The following FAF1 variants were observed in gnomAD, a reference collection of about 807,000 sequenced individuals.
The protein encoded by FAF1 is FAS-associated factor 1.
A neutral mutation model predicts 92.5 loss-of-function variants in FAF1; 25 were observed. That is an observed-to-expected ratio of 0.27 (90% CI 0.20 to 0.38). FAF1 has a LOEUF of 0.38. Ranked by LOEUF, FAF1 falls within the 10% of genes least tolerant of loss-of-function variation. The probability of loss-of-function intolerance (pLI) is 1.00; values close to 1 mark genes in which losing one functional copy is unlikely to be tolerated. For synonymous variants in FAF1, 234 were observed against 273.2 expected, an observed-to-expected ratio of 0.86 and a Z score of 1.42; for missense variants, 636 against 793.3, an observed-to-expected ratio of 0.80 and a Z score of 2.38.
chr1:50,881,533 A>G lies in FAF1; in HGVS notation c.46-23536T>C, dbSNP rs539640591. Among the ~76,000 whole-genome samples the G allele has an allele frequency of 1.1e-4, 17 of 152,314 alleles. No homozygotes were observed. In the South Asian group the frequency reaches 2.5e-3, roughly 22 times the overall value. On this transcript the variant is annotated intron_variant, in intron 1 of 18. Transcript: ENST00000396153. ...CTCCCTCACACTACCAAAAGAAGGAACATCCAGTCTACAATGAAGTCTTCC... is the reference window on the plus strand; with the variant it reads ...CTCCCTCACACTACCAAAAGAAGGAGCATCCAGTCTACAATGAAGTCTTCC...
At chr1:50,498,849 CAAAA>C (rs552247958) in intron 15 of FAF1, among the ~76,000 whole-genome samples, 2 of 83,300 alleles carry the variant, frequency 2.4e-5, no homozygotes, top group Admixed American at 1.4e-4. Context: ...ACCTCTGTCT[CAAAA>C]AAAAAAAAAA....
chr1:50,944,153 A>T (rs779999117), intron 1 of FAF1, among the ~76,000 whole-genome samples: 3 of 152,218 alleles, frequency 2.0e-5, no homozygotes, highest in Non-Finnish European at 2.9e-5. Context: ...TTTGCATGGA[A>T]GGTACATGAC....
At chr1:50,887,909 G>A (rs941792772) in intron 1 of FAF1, among the ~76,000 whole-genome samples, 1 of 152,146 alleles carries the variant, frequency 6.6e-6, no homozygotes, top group African/African-American at 2.4e-5. Context: ...CTCCAATTCT[G>A]TGAAGAAAGT....
chr1:50,739,392 G>A (rs1659291931), intron 5 of FAF1, among the ~76,000 whole-genome samples: 1 of 134,362 alleles, frequency 7.4e-6, no homozygotes, highest in African/African-American at 3.5e-5. Context: ...ATATATGTGT[G>A]TTTATGTGTA....
At chr1:50,923,671 A>G (rs1324279686) in intron 1 of FAF1, among the ~76,000 whole-genome samples, 1 of 152,246 alleles carries the variant, frequency 6.6e-6, no homozygotes, top group East Asian at 1.9e-4. Flanking sequence ...TAGATTCGAT[A>G]GAATCCTCAA....
At chr1:50,789,062 T>C (rs1661471327) in intron 3 of FAF1, among the ~76,000 whole-genome samples, 1 of 152,132 alleles carries the variant, frequency 6.6e-6, no homozygotes, top group African/African-American at 2.4e-5. Flanking sequence ...CTTCAACTCG[T>C]GGCCTCAAGT....
At position 50,874,758 on chromosome 1, in the gene FAF1, C is replaced by CTTTTTTTTTT. The variant is rs755424291; in HGVS notation, c.46-16771_46-16762dup. On this transcript the variant is annotated intron_variant, in intron 1 of 18. Coordinates refer to ENST00000396153, the MANE Select transcript of FAF1 (RefSeq NM_007051.3). ...TTCTCCATCTTATTTTCTTTTCTTT[C>CTTTTTTTTTT]TTTTTTTTTTTTTTTTTTTTTTTTT... Among the ~76,000 whole-genome samples the CTTTTTTTTTT allele has an allele frequency of 2.8e-3, 188 of 67,288 alleles. 7 individuals are homozygous for CTTTTTTTTTT. Among genetic ancestry groups the CTTTTTTTTTT allele is most frequent in the Non-Finnish European group, 3.8e-3 (140 of 36,440 alleles). 44.1% of individuals were successfully genotyped at this position (67,288 alleles called of 152,430 possible). A position where few individuals can be genotyped will look rare whatever the true frequency, so the allele number is the denominator to read the frequency against.
At chr1:50,492,093 T>C (rs996609303) in intron 15 of FAF1, among the ~76,000 whole-genome samples, 1 of 152,202 alleles carries the variant, frequency 6.6e-6, no homozygotes. Context: ...ATAATATTTG[T>C]CTTATAGGGT....
At chr1:50,585,661 G>A (rs563560138) in intron 9 of FAF1, among the ~76,000 whole-genome samples, 1 of 152,036 alleles carries the variant, frequency 6.6e-6, no homozygotes, top group South Asian at 2.1e-4. Flanking sequence ...TCTGTCCTAT[G>A]TTCAATAAAT....
chr1:50,703,975 C>T (rs970525182), intron 7 of FAF1, among the ~76,000 whole-genome samples: 1 of 152,002 alleles, frequency 6.6e-6, no homozygotes, highest in Admixed American at 6.6e-5. Flanking sequence ...ATTTTCCCAT[C>T]GAAACAGTAA....
At chr1:50,696,125 A>T (rs1657211113) in intron 7 of FAF1, among the ~76,000 whole-genome samples, 1 of 152,172 alleles carries the variant, frequency 6.6e-6, no homozygotes, top group Non-Finnish European at 1.5e-5. Flanking sequence ...TACATGTGTA[A>T]GATAGAATCT....
At chr1:50,584,949 C>T in intron 9 of FAF1, 138 bp from the exon 10 acceptor site, 1 of 794,464 alleles carries the variant, frequency 1.3e-6, no homozygotes. Flanking sequence ...GTAAAGCTTA[C>T]TATTTTTTCC....
intron 13 of FAF1, among the ~76,000 whole-genome samples, chr1:50,561,099 A>G (rs1649879303): frequency 6.6e-6 from 1 of 152,184 alleles, no homozygotes; most frequent in African/African-American, 2.4e-5. Flanking sequence ...CCACCATTGT[A>G]GAAGGTTCAG....
intron 15 of FAF1, among the ~76,000 whole-genome samples, chr1:50,534,410 G>A (rs534757685): frequency 2.0e-5 from 3 of 152,176 alleles, no homozygotes; most frequent in East Asian, 1.9e-4. Context: ...AGCCTCCCGA[G>A]TAGCTGGGAT....
At chr1:50,943,927 A>G (rs1028828921) in intron 1 of FAF1, among the ~76,000 whole-genome samples, 2 of 152,222 alleles carry the variant, frequency 1.3e-5, no homozygotes, top group Admixed American at 1.3e-4. Context: ...AACCTACATC[A>G]GTCAAGGAGG....
At chr1:50,842,426 A>C (rs1272637050) in intron 2 of FAF1, among the ~76,000 whole-genome samples, 2 of 152,128 alleles carry the variant, frequency 1.3e-5, no homozygotes, top group East Asian at 1.9e-4. Flanking sequence ...GATCATTCTT[A>C]AGCATATATT....
At chr1:50,610,162 A>G (rs897159608) in intron 8 of FAF1, among the ~76,000 whole-genome samples, 2 of 152,258 alleles carry the variant, frequency 1.3e-5, no homozygotes, top group Non-Finnish European at 2.9e-5. Context: ...AGTGGGGTTC[A>G]TATGATGACT....
chr1:50,783,159 C>T (rs1319033387), intron 4 of FAF1, among the ~76,000 whole-genome samples: 1 of 151,938 alleles, frequency 6.6e-6, no homozygotes, highest in East Asian at 1.9e-4. Context: ...AAGACTGAAT[C>T]GTGAAGAAAC....
chr1:50,873,296 C>T (rs957680199), intron 1 of FAF1, among the ~76,000 whole-genome samples: 2 of 152,152 alleles, frequency 1.3e-5, no homozygotes, highest in African/African-American at 4.8e-5. Context: ...ATCTACTTTA[C>T]CGCATTGGTC....
Sources: allele counts gnomAD v4.1 joint callset (sites outside exome capture counted in the v4.1 genomes callset), GRCh38; gene constraint gnomAD v4.1.1; transcripts MANE v1.5; gene names NCBI Gene and HGNC (gene_info 2026-07-23, HGNC 2026-07-21).